Variants in SOD1 observed in about 807,000 individuals in gnomAD.
The protein encoded by SOD1 is superoxide dismutase [Cu-Zn].
Under a neutral mutation model 15.9 loss-of-function variants are expected in SOD1, and 8 were observed. The ratio of observed to expected loss-of-function variants is 0.50; its 90% CI spans 0.30 to 0.91. The LOEUF (loss-of-function observed/expected upper bound fraction) is 0.91. Among genes scored for constraint, SOD1 ranks in the 40% least tolerant of loss-of-function variants. The pLI, the probability that SOD1 is intolerant of heterozygous loss-of-function variation, is 0.07. For missense variants in SOD1, 137 were observed against 194.5 expected (o/e 0.70, Z 1.76); for synonymous variants, 86 against 71.2 (o/e 1.21, Z -1.04).
At chr21:31,662,437 A>T (rs2049555926) in intron 1 of SOD1, among the ~76,000 whole-genome samples, 1 of 152,196 alleles carries the variant, frequency 6.6e-6, no homozygotes, top group Non-Finnish European at 1.5e-5. Flanking sequence ...TAAAAACAAG[A>T]GACACTGACA....
rs1568810690 is a variant in SOD1, at chr21:31,667,305, C to T, written c.287C>T (p.Ala96Val). 4.3e-6 allele frequency: 7 copies of T among 1,614,092 alleles called. No individual in the cohort carries two copies. Among genetic ancestry groups the T allele is most frequent in the Non-Finnish European group, 5.9e-6 (7 of 1,179,984 alleles). Reference sequence around the variant, plus strand: ...GTGACTGCTGACAAAGATGGTGTGGCCGATGTGTCTATTGAAGATTCTGTG... The same window carrying T: ...GTGACTGCTGACAAAGATGGTGTGGTCGATGTGTCTATTGAAGATTCTGTG... ...GNVTADKDGV[A>V]DVSIEDSVIS... Residue 96 changes from alanine (A) to valine (V), a missense_variant, in exon 4 of 5, where the codon GCC becomes GTC. By Grantham distance (64) the Ala-to-Val change is moderately conservative. Transcript: ENST00000270142.
At chr21:31,666,666 A>C in intron 3 of SOD1, 148 bp downstream of exon 3, 1 of 703,944 alleles carries the variant, frequency 1.4e-6, no homozygotes, top group Non-Finnish European at 2.6e-6. Flanking sequence ...CTGCTCCCAA[A>C]TGCTGGAATG....
At chr21:31,665,202 C>T (rs1191481278) in intron 2 of SOD1, among the ~76,000 whole-genome samples, 4 of 152,050 alleles carry the variant, frequency 2.6e-5, no homozygotes, top group Non-Finnish European at 5.9e-5. Flanking sequence ...AATCAGGCAA[C>T]CCCTGAACCA....
chr21:31,667,158 C>T (rs567629259), intron 3 of SOD1, 100 bp from the exon 4 acceptor site: 233 of 884,000 alleles, frequency 2.6e-4, no homozygotes, highest in Non-Finnish European at 3.6e-4. Context: ...TACTTGTTTG[C>T]AAATTTGTGT....
At chr21:31,668,433 T>C (rs1330499443) in intron 4 of SOD1, 38 bp from the exon 5 acceptor site, 2 of 1,469,028 alleles carry the variant, frequency 1.4e-6, no homozygotes, top group Non-Finnish European at 1.9e-6. Flanking sequence ...TAGTGATTAC[T>C]TGACAGCCCA....
chr21:31,666,210 A>G (rs923581133), intron 2 of SOD1, among the ~76,000 whole-genome samples: 6 of 151,938 alleles, frequency 3.9e-5, no homozygotes, highest in Admixed American at 2.6e-4. Flanking sequence ...CTGACCTCAG[A>G]TGATCCAGCC....
intron 1 of SOD1, 119 bp downstream of exon 1, chr21:31,659,960 G>A: frequency 1.0e-6 from 1 of 963,690 alleles, no homozygotes; most frequent in South Asian, 1.5e-5. Context: ...CCAGCGCCCG[G>A]TCCCGGCCCG....
At chr21:31,659,951 C>A in intron 1 of SOD1, 110 bp downstream of exon 1, 1 of 1,107,792 alleles carries the variant, frequency 9.0e-7, no homozygotes, top group Non-Finnish European at 1.3e-6. Flanking sequence ...CGCCCTGGTC[C>A]AGCGCCCGGT....
intron 2 of SOD1, among the ~76,000 whole-genome samples, 154 bp from the exon 3 acceptor site, chr21:31,666,295 T>G (rs1490913967): frequency 6.6e-6 from 1 of 152,140 alleles, no homozygotes; most frequent in Non-Finnish European, 1.5e-5. Context: ...TCTGTTCCCT[T>G]CTCACTGTGG....
intron 1 of SOD1, 43 bp downstream of exon 1, chr21:31,659,884 C>T (rs780405968): frequency 5.7e-6 from 9 of 1,583,822 alleles, no homozygotes; most frequent in Admixed American, 3.3e-5. Flanking sequence ...CCGCTCCCAC[C>T]CGCTCGTCCC....
chr21:31,667,953 A>G (rs1416857905), intron 4 of SOD1, among the ~76,000 whole-genome samples: 9 of 152,236 alleles, frequency 5.9e-5, no homozygotes, highest in Non-Finnish European at 1.2e-4. Context: ...CTTGAGCCAT[A>G]GTTGTAAAGC....
chr21:31,660,670 A>G (rs1010244791), intron 1 of SOD1: 2 of 152,158 alleles, frequency 1.3e-5, no homozygotes, highest in African/African-American at 4.8e-5. Flanking sequence ...CCAGAGCCCA[A>G]CCTCCGACCA....
At chr21:31,659,991 C>A in intron 1 of SOD1, 150 bp downstream of exon 1, 1 of 673,454 alleles carries the variant, frequency 1.5e-6, no homozygotes, top group Non-Finnish European at 2.4e-6. Context: ...TCGGTGCCTT[C>A]GCCCCCAGCG....
At chr21:31,665,351 TTTC>T (rs1038877467) in intron 2 of SOD1, among the ~76,000 whole-genome samples, 16 of 152,188 alleles carry the variant, frequency 1.1e-4, no homozygotes, top group African/African-American at 2.9e-4. Context: ...TGTTTATAGA[TTTC>T]TTCTTAAATT....
In SOD1 at chr21:31,659,838, G is replaced by T. The variant is rs1424217272; in HGVS notation, c.69G>T (p.Gln23His). ...GPVQGIINFE[Q>H]KESNGPVKVW... ...TGCAGGGCATCATCAATTTCGAGCA[G>T]AAGGCAAGGGCTGGGACGGAGGCTT... is the stretch of plus-strand genomic sequence containing the variant. Residue 23 changes from glutamine to histidine, a missense_variant, in exon 1 of 5, where the codon CAG becomes CAT. Physicochemically the swap from Gln to His is conservative, Grantham distance 24 (BLOSUM62 0). Transcript: ENST00000270142. The T allele has an allele frequency of 6.2e-7, 1 of 1,613,346 alleles. No homozygotes were observed. The highest frequency in any genetic ancestry group is 8.5e-7 in the Non-Finnish European group (1 of 1,179,758).
chr21:31,661,497 GGGAC>G (rs1410118877), intron 1 of SOD1: 1 of 152,406 alleles, frequency 6.6e-6, no homozygotes, highest in African/African-American at 2.4e-5. Flanking sequence ...CCGGGTAGCT[GGGAC>G]TACAGGCGCG....
rs1266185363 is a variant in SOD1 at position 31,659,745 on chromosome 21, G to A, written c.-25G>A. On this transcript the variant is annotated 5_prime_UTR_variant, in exon 1 of 5. Coordinates refer to ENST00000270142, the MANE Select transcript of SOD1 (RefSeq NM_000454.5). ...GTTTCCGTTGCAGTCCTCGGAACCA[G>A]GACCTCGGCGTGGCCTAGCGAGTTA... 1 of 1,613,650 alleles carries A rather than the reference G, an allele frequency of 6.2e-7. No individual in the cohort carries two copies. Among genetic ancestry groups the A allele is most frequent in the Admixed American group, 1.7e-5 (1 of 60,034 alleles).
intron 1 of SOD1, among the ~76,000 whole-genome samples, chr21:31,663,353 G>A (rs1256130631): frequency 6.6e-6 from 1 of 152,016 alleles, no homozygotes; most frequent in African/African-American, 2.4e-5. Context: ...AATAAAAAAC[G>A]TTTACATGTA....
At chr21:31,663,764 T>C (rs757712477) in intron 1 of SOD1, 26 bp from the exon 2 acceptor site, 16 of 1,538,938 alleles carry the variant, frequency 1.0e-5, no homozygotes, top group Non-Finnish European at 1.4e-5. Context: ...TCAGAAACTC[T>C]CTCCAACTTT....
Sources: allele counts gnomAD v4.1 joint callset (sites outside exome capture counted in the v4.1 genomes callset), GRCh38; gene constraint gnomAD v4.1.1; transcripts MANE v1.5; gene names NCBI Gene and HGNC (gene_info 2026-07-23, HGNC 2026-07-21).